The following GPR143 variants were observed in gnomAD, a reference collection of about 807,000 sequenced individuals.
GPR143 encodes the protein G-protein coupled receptor 143.
In GPR143, 8 loss-of-function variants were observed where a neutral mutation model predicts 27.6. That is an observed-to-expected ratio of 0.29 (90% CI 0.17 to 0.52). The LOEUF is 0.52. Among genes scored for constraint, GPR143 ranks in the 20% least tolerant of loss-of-function variants. The probability of loss-of-function intolerance (pLI) is 0.96; values close to 1 mark genes in which losing one functional copy is unlikely to be tolerated. For missense variants in GPR143, 303 were observed against 343.1 expected (o/e 0.88, Z 0.92); for synonymous variants, 156 against 153.2 (o/e 1.02, Z -0.13).
chrX:9,761,314 A>T (rs1021423131), intron 1 of GPR143, among the ~76,000 whole-genome samples: 3 of 112,115 alleles, frequency 2.7e-5, no homozygotes, highest in African/African-American at 9.7e-5. Flanking sequence ...GGCTGGTCTC[A>T]AACTCCTGAC....
At chrX:9,776,108 G>A (rs1055607738) in intron 1 of GPR143, among the ~76,000 whole-genome samples, 1 of 112,152 alleles carries the variant, frequency 8.9e-6, no homozygotes, top group Non-Finnish European at 1.9e-5. Flanking sequence ...GCATGGCTGC[G>A]GTTAAAGCTG....
chrX:9,755,840 A>G (rs1249743402), intron 3 of GPR143, among the ~76,000 whole-genome samples: 1 of 112,010 alleles, frequency 8.9e-6, no homozygotes, highest in East Asian at 2.8e-4. Context: ...TTATTATTAT[A>G]TATATTTTAT....
intron 3 of GPR143, among the ~76,000 whole-genome samples, chrX:9,749,358 T>G (rs1476028319): frequency 1.8e-5 from 2 of 110,556 alleles, no homozygotes; most frequent in East Asian, 5.7e-4. Flanking sequence ...GTGAGTCAAT[T>G]AAACCTCTTT....
chrX:9,765,601 C>T lies in GPR143; in HGVS notation c.217G>A (p.Ala73Thr). 9.6e-7 allele frequency: 1 copy of T among 1,045,080 alleles called. No homozygotes were observed. The highest frequency in any genetic ancestry group is 1.2e-6 in the Non-Finnish European group (1 of 814,993). The allele number at this position is 1,045,080 out of a possible 1,213,427, so 86.1% of individuals were successfully genotyped here. Residue 73 changes from alanine (A) to threonine (T), a missense_variant, in exon 1 of 9, where the codon GCT becomes ACT. Transcript: ENST00000467482. ...CCGAGAAGGTCGCAGGCAGCGGCAG[C>T]GCGCAGGATGCGGACCGAGGCCGGC... The part of the protein sequence containing the change: ...SPPASVRILR[A>T]AAACDLLGCL...
chrX:9,775,212 G>A (rs951920252), intron 1 of GPR143, among the ~76,000 whole-genome samples: 9 of 111,926 alleles, frequency 8.0e-5, no homozygotes, highest in Non-Finnish European at 1.7e-4. Flanking sequence ...GTTCGGTATT[G>A]ACCTGGCTGA....
chrX:9,731,077 G>A (rs965551131), intron 8 of GPR143, among the ~76,000 whole-genome samples: 1 of 111,895 alleles, frequency 8.9e-6, no homozygotes, highest in African/African-American at 3.3e-5. Context: ...CTTGAAAGAA[G>A]TGCTCTGAGA....
intron 1 of GPR143, among the ~76,000 whole-genome samples, chrX:9,763,594 T>C (rs2083513267): frequency 8.9e-6 from 1 of 111,763 alleles, no homozygotes; most frequent in Non-Finnish European, 1.9e-5. Flanking sequence ...TTCACATTAA[T>C]CCAGTGAGGA....
At chrX:9,757,499 G>A (rs1415267032) in intron 3 of GPR143, among the ~76,000 whole-genome samples, 1 of 111,783 alleles carries the variant, frequency 8.9e-6, no homozygotes. Context: ...AACACGAAAG[G>A]TCACGTACTG....
At position 9,725,798 on chromosome X, in the gene GPR143, G is replaced by T. The variant is rs762544799; in HGVS notation, c.1163C>A (p.Ser388Tyr). The change falls in exon 9 of 9, where the codon TCC becomes TAC. Residue 388 changes from serine (S) to tyrosine (Y), a missense_variant. Ser to Tyr is a moderately radical substitution (Grantham distance 144). Transcript: ENST00000467482. Reference sequence around the variant, plus strand: ...AGGGTCACCCTCATTTTTGTTGCAGGATTCACTTGCAGTGTGAATTTCAAT... The same window carrying T: ...AGGGTCACCCTCATTTTTGTTGCAGTATTCACTTGCAGTGTGAATTTCAAT... ...STIEIHTASE[S>Y]CNKNEGDPAL... 3 of 1,207,131 alleles carry T rather than the reference G, an allele frequency of 2.5e-6. No homozygotes were observed. Among genetic ancestry groups the T allele is most frequent in the Admixed American group, 4.4e-5 (2 of 45,553 alleles).
intron 7 of GPR143, chrX:9,740,757 T>C (rs960345850): frequency 1.7e-4 from 46 of 263,745 alleles, no homozygotes; most frequent in African/African-American, 3.2e-4. Flanking sequence ...TTCTTTCTTT[T>C]TTTTTTTTTT....
chrX:9,761,120 G>C (rs2083497869), intron 1 of GPR143, among the ~76,000 whole-genome samples: 3 of 110,616 alleles, frequency 2.7e-5, no homozygotes, highest in African/African-American at 9.9e-5. Context: ...TTGAGACGGA[G>C]TCTGGCTCTG....
rs1309995781 is a variant in GPR143, at chrX:9,739,562, T to G, written c.1043A>C (p.His348Pro). 8.3e-7 allele frequency: 1 copy of G among 1,210,902 alleles called. No individual in the cohort carries two copies. The highest frequency in any genetic ancestry group is 3.0e-5 in the East Asian group (1 of 33,829). ...EGAHPSPLMP[H>P]ENPASGKVSQ... is the part of the protein sequence containing the mutation. ...CACCTTCCCGGAAGCAGGGTTTTCATGGGGCATCAGTGGGGATGGGTGAGC... is the reference window on the plus strand; with the variant it reads ...CACCTTCCCGGAAGCAGGGTTTTCAGGGGGCATCAGTGGGGATGGGTGAGC... The change falls in exon 8 of 9, where the codon CAT (histidine) becomes CCT (proline). Residue 348 changes from histidine to proline, a missense_variant. Physicochemically the swap from His to Pro is moderately conservative, Grantham distance 77. Coordinates refer to ENST00000467482, the MANE Select transcript of GPR143 (RefSeq NM_000273.3).
upstream of GPR143, among the ~76,000 whole-genome samples, chrX:9,769,728 C>A (rs2083546764): frequency 9.1e-6 from 1 of 110,146 alleles, no homozygotes; most frequent in Non-Finnish European, 1.9e-5. Flanking sequence ...ATTACAGGCG[C>A]CTGCCACCAC....
At chrX:9,760,935 G>T in intron 1 of GPR143, 109 bp from the exon 2 acceptor site, 1 of 457,993 alleles carries the variant, frequency 2.2e-6, no homozygotes, top group Non-Finnish European at 4.0e-6. Context: ...AGGAAGAGAG[G>T]AAGGAAGAAG....
chrX:9,736,355 C>G (rs1306349342), intron 8 of GPR143, among the ~76,000 whole-genome samples: 1 of 111,993 alleles, frequency 8.9e-6, no homozygotes, highest in Non-Finnish European at 1.9e-5. Context: ...GGTTACCATA[C>G]AAAATGGTGA....
intron 8 of GPR143, among the ~76,000 whole-genome samples, chrX:9,731,248 G>A (rs1304520205): frequency 1.8e-5 from 2 of 111,488 alleles, no homozygotes; most frequent in Non-Finnish European, 3.8e-5. Flanking sequence ...TACAAAAAAA[G>A]TAGCTGGAAC....
At chrX:9,739,433 AG>A (rs2083392378) in intron 8 of GPR143, 51 bp downstream of exon 8, 1 of 899,931 alleles carries the variant, frequency 1.1e-6, no homozygotes, top group African/African-American at 2.0e-5. Flanking sequence ...AGGCTTTCCA[AG>A]GGGAGCCCTG....
chrX:9,745,953 G>T, intron 5 of GPR143, 91 bp downstream of exon 5: 1 of 587,218 alleles, frequency 1.7e-6, no homozygotes, highest in Admixed American at 2.2e-5. Context: ...CTGTCCTGGA[G>T]AATTCCAGGA....
intron 1 of GPR143, among the ~76,000 whole-genome samples, chrX:9,771,892 G>A (rs1327258603): frequency 1.8e-5 from 2 of 109,800 alleles, no homozygotes; most frequent in Non-Finnish European, 3.8e-5. Flanking sequence ...GGTATTTTTA[G>A]TAGAGGTAGG....
Sources: allele counts gnomAD v4.1 joint callset (sites outside exome capture counted in the v4.1 genomes callset), GRCh38; gene constraint gnomAD v4.1.1; transcripts MANE v1.5; gene names NCBI Gene and HGNC (gene_info 2026-07-23, HGNC 2026-07-21).